The following TRHDE variants were observed in gnomAD, a reference collection of about 807,000 sequenced individuals.
TRHDE encodes the protein thyrotropin-releasing hormone-degrading ectoenzyme.
In TRHDE, 72 loss-of-function variants were observed where a neutral mutation model predicts 125.7. The observed-to-expected ratio is 0.57, with a 90% CI of 0.47 to 0.70. TRHDE has a LOEUF of 0.70. Ranked by LOEUF, TRHDE falls within the 30% of genes least tolerant of loss-of-function variation. The pLI is 0.00. For synonymous variants in TRHDE, 509 were observed against 509.1 expected, an observed-to-expected ratio of 1.00 and a Z score of 0.00; for missense variants, 1,110 against 1,327.1, an observed-to-expected ratio of 0.84 and a Z score of 2.54.
chr12:72,316,018 A>G (rs1868783872), intron 2 of TRHDE, among the ~76,000 whole-genome samples: 2 of 152,102 alleles, frequency 1.3e-5, no homozygotes, highest in Non-Finnish European at 1.5e-5. Context: ...CCTGGCCTTG[A>G]TTCGCAAATT....
intron 12 of TRHDE, among the ~76,000 whole-genome samples, chr12:72,607,274 C>T (rs1277818717): frequency 1.3e-5 from 2 of 152,016 alleles, no homozygotes; most frequent in African/African-American, 2.4e-5. Flanking sequence ...AGGCTTGATC[C>T]AGTACAGGTT....
At chr12:72,451,061 A>G (rs1030106795) in intron 3 of TRHDE, among the ~76,000 whole-genome samples, 1 of 152,054 alleles carries the variant, frequency 6.6e-6, no homozygotes, top group Non-Finnish European at 1.5e-5. Context: ...TAGTTTGCAA[A>G]TATTTTCTCC....
At chr12:72,364,412 C>G (rs1335883286) in intron 2 of TRHDE, among the ~76,000 whole-genome samples, 1 of 151,956 alleles carries the variant, frequency 6.6e-6, no homozygotes, top group African/African-American at 2.4e-5. Context: ...CCTTTGAAAA[C>G]TTATTATTTA....
chr12:72,299,126 C>T (rs1204062077), intron 2 of TRHDE, among the ~76,000 whole-genome samples: 1 of 152,062 alleles, frequency 6.6e-6, no homozygotes, highest in Non-Finnish European at 1.5e-5. Flanking sequence ...GGAAGATTAA[C>T]CAAGACATTC....
At position 72,245,366 on chromosome 12, in the gene TRHDE, C is replaced by G. The variant is rs116491773; in HGVS notation, n.280-132629C>G. On this transcript the variant is annotated intron_variant and non_coding_transcript_variant, in intron 2 of 4. Coordinates refer to the TRHDE transcript ENST00000548156. ...ATGAATAGCTGGAGAGATGGAGGCT[C>G]TCTACCTACCCATCTCTCCAGCTAC... 1.0e-2 allele frequency among the ~76,000 whole-genome samples: 1,517 copies of G among 151,896 alleles called. 29 individuals carry two copies. The highest frequency in any genetic ancestry group is 0.034 in the African/African-American group (1,413 of 41,446).
At chr12:72,397,712 T>C (rs1203202032) in intron 3 of TRHDE, among the ~76,000 whole-genome samples, 1 of 152,180 alleles carries the variant, frequency 6.6e-6, no homozygotes, top group African/African-American at 2.4e-5. Flanking sequence ...GTTCAAGTGC[T>C]ACTTTCTGAG....
At chr12:72,597,870 C>G (rs1003289964) in intron 12 of TRHDE, among the ~76,000 whole-genome samples, 3 of 150,378 alleles carry the variant, frequency 2.0e-5, no homozygotes, top group East Asian at 3.9e-4. Flanking sequence ...TTTAAACACA[C>G]TAGTGTGCTA....
intron 12 of TRHDE, among the ~76,000 whole-genome samples, chr12:72,579,805 A>T (rs2136034158): frequency 6.6e-6 from 1 of 152,252 alleles, no homozygotes; most frequent in Admixed American, 6.5e-5. Flanking sequence ...TAACTTTAAT[A>T]AGTGCCAATT....
At chr12:72,553,663 T>C (rs2136000415) in intron 7 of TRHDE, among the ~76,000 whole-genome samples, 1 of 152,158 alleles carries the variant, frequency 6.6e-6, no homozygotes, top group Admixed American at 6.6e-5. Context: ...GGAAGTCTTC[T>C]AAGCAGCTTT....
chr12:72,290,950 A>G (rs115271996), intron 2 of TRHDE, among the ~76,000 whole-genome samples: 3 of 152,332 alleles, frequency 2.0e-5, no homozygotes, highest in African/African-American at 7.2e-5. Flanking sequence ...AAAAGAGGGC[A>G]TTAGGCCCCA....
At chr12:72,198,596 G>A (rs1327781859) in intron 2 of TRHDE, among the ~76,000 whole-genome samples, 1 of 152,020 alleles carries the variant, frequency 6.6e-6, no homozygotes, top group Non-Finnish European at 1.5e-5. Context: ...TAGGAGCACT[G>A]GATTCTAAGC....
intron 3 of TRHDE, among the ~76,000 whole-genome samples, chr12:72,452,780 C>T (rs1875642870): frequency 6.6e-6 from 1 of 151,770 alleles, no homozygotes; most frequent in Non-Finnish European, 1.5e-5. Context: ...AAATCATGTG[C>T]CCCCTCCCCC....
chr12:72,493,568 CAG>C (rs1336969165), intron 5 of TRHDE, among the ~76,000 whole-genome samples: 2 of 151,932 alleles, frequency 1.3e-5, no homozygotes, highest in African/African-American at 4.8e-5. Flanking sequence ...CAGAGATATT[CAG>C]AGTTATATCT....
chr12:72,092,215 C>T (rs568130471), intron 1 of TRHDE, among the ~76,000 whole-genome samples: 8 of 152,240 alleles, frequency 5.3e-5, no homozygotes, highest in East Asian at 1.9e-4. Flanking sequence ...ATTTCTTTTC[C>T]ACTGTAATCA....
At chr12:72,616,088 G>A (rs1014977715) in intron 12 of TRHDE, among the ~76,000 whole-genome samples, 1 of 152,074 alleles carries the variant, frequency 6.6e-6, no homozygotes, top group African/African-American at 2.4e-5. Flanking sequence ...AGCAGTTAGC[G>A]ATTTCTGCCA....
chr12:72,151,489 G>C (rs1016776215), intron 2 of TRHDE, among the ~76,000 whole-genome samples: 5 of 152,110 alleles, frequency 3.3e-5, no homozygotes, highest in Admixed American at 6.5e-5. Context: ...GTCCTGAATG[G>C]TATTGCCTAG....
At chr12:72,220,594 T>C (rs2069506589) in intron 2 of TRHDE, among the ~76,000 whole-genome samples, 1 of 152,120 alleles carries the variant, frequency 6.6e-6, no homozygotes, top group African/African-American at 2.4e-5. Context: ...TCCTGTAGTG[T>C]CTTCATAGGT....
chr12:72,135,917 A>G (rs1348627093), intron 2 of TRHDE, among the ~76,000 whole-genome samples: 2 of 151,128 alleles, frequency 1.3e-5, no homozygotes, highest in Non-Finnish European at 2.9e-5. Flanking sequence ...TCAGTAATGG[A>G]TATCTTGGGG....
chr12:72,301,142 G>A (rs1227282814), intron 2 of TRHDE, among the ~76,000 whole-genome samples: 1 of 152,012 alleles, frequency 6.6e-6, no homozygotes, highest in African/African-American at 2.4e-5. Flanking sequence ...TTTATTACCT[G>A]TGTCTCTCTG....
Sources: gnomAD v4.1 joint callset for allele counts (sites outside exome capture counted in the v4.1 genomes callset) on GRCh38, gnomAD v4.1.1 for gene constraint, MANE v1.5 for transcripts, NCBI Gene and HGNC (gene_info 2026-07-23, HGNC 2026-07-21) for gene names.